KLF1: variants seen among roughly 807,000 people sequenced by gnomAD.
The protein encoded by KLF1 is Krueppel-like factor 1.
KLF1 carries 29 observed loss-of-function variants against 28.0 expected under a neutral mutation model. That is an observed-to-expected ratio of 1.04 (90% CI 0.77 to 1.41). The LOEUF (loss-of-function observed/expected upper bound fraction) is 1.41. KLF1 is among the 40% of genes most tolerant of loss of function. KLF1 has a pLI of 0.00. For synonymous variants in KLF1, 262 were observed against 242.6 expected, an observed-to-expected ratio of 1.08 and a Z score of -0.74; for missense variants, 508 against 515.1, an observed-to-expected ratio of 0.99 and a Z score of 0.13.
rs1190562040 is a variant in KLF1 at position 12,885,930 on chromosome 19, C to T, written c.300G>A (p.Glu100=). The change falls in exon 2 of 3, where the codon GAG becomes GAA. Residue 100 remains glutamate (E), a synonymous_variant. Coordinates refer to ENST00000264834, the MANE Select transcript of KLF1 (RefSeq NM_006563.5). This position sits in a 1 kb window ranked among gnomAD's most constrained non-coding sequence, Gnocchi z 5.6. ...GCGGCGGATATTGCGCCCCGGAGGC[C>T]TCGCTGGGCGCCAGAGCGCAGGTCT... ...APQTCALAPS[E]ASGAQYPPPP... 6.4e-7 allele frequency: 1 copy of T among 1,555,212 alleles called. No homozygotes were observed. Among genetic ancestry groups the T allele is most frequent in the South Asian group, 1.2e-5 (1 of 84,748 alleles).
Position 12,885,968 on chromosome 19 carries a change from C to A in KLF1, c.262G>T (p.Gly88Cys), listed in dbSNP as rs1353921647. 1 of 1,580,088 alleles carries A rather than the reference C, an allele frequency of 6.3e-7. No homozygotes were observed. ...LLTNFSGPEP[G>C]GAPQTCALAP... ...AGAGCGCAGGTCTGGGGCGCGCCACCGGGCTCCGGGCCCGAGAAGTTGGTG... is the reference window on the plus strand; with the variant it reads ...AGAGCGCAGGTCTGGGGCGCGCCACAGGGCTCCGGGCCCGAGAAGTTGGTG... Residue 88 changes from glycine (G) to cysteine (C), a missense_variant, in exon 2 of 3, where the codon GGT (glycine) becomes TGT (cysteine). Physicochemically the swap from Gly to Cys is radical, Grantham distance 159. Transcript: ENST00000264834. This position sits in a 1 kb window ranked among gnomAD's most constrained non-coding sequence, Gnocchi z 5.6.
At chr19:12,886,650 T>C (rs1195116629) in intron 1 of KLF1, among the ~76,000 whole-genome samples, 1 of 151,424 alleles carries the variant, frequency 6.6e-6, no homozygotes, top group Non-Finnish European at 1.5e-5. Context: ...CTTACTCTTT[T>C]GCCCAGGCTG....
At position 12,885,607 on chromosome 19, in the gene KLF1, G is replaced by C; in HGVS notation, c.623C>G (p.Pro208Arg). Reference protein sequence around the residue: ...GLLSGYPAMYPAPQYQGHFQL... With the variant: ...GLLSGYPAMYRAPQYQGHFQL... ...GAAGTGCCCTTGGTACTGAGGCGCC[G>C]GGTACATCGCGGGGTACCCGGACAG... The change falls in exon 2 of 3, where the codon CCG (proline) becomes CGG (arginine). Residue 208 changes from proline (P) to arginine (R), a missense_variant. Pro to Arg is a moderately radical substitution (Grantham distance 103). Coordinates refer to ENST00000264834, the MANE Select transcript of KLF1 (RefSeq NM_006563.5). This position sits in a 1 kb window ranked among gnomAD's most constrained non-coding sequence, Gnocchi z 5.6. 6.4e-7 allele frequency: 1 copy of C among 1,554,060 alleles called. No individual in the cohort carries two copies. The highest frequency in any genetic ancestry group is 1.7e-4 in the Middle Eastern group (1 of 5,728).
chr19:12,885,282 C>T lies in KLF1; in HGVS notation c.913+35G>A, dbSNP rs115339342. On this transcript the variant is annotated intron_variant, in intron 2 of 2. Coordinates refer to ENST00000264834, the MANE Select transcript of KLF1 (RefSeq NM_006563.5). The surrounding 1 kb of genome is among the most constrained non-coding windows in gnomAD (Gnocchi z 5.6). ...TCCCCTGTAACTACAGCGGGCGCCG[C>T]GCCCTTTCTCATGTCCGGGGCCCCG... 1,175 of 1,531,484 alleles carry T rather than the reference C, an allele frequency of 7.7e-4. 7 individuals are homozygous for T. In the African/African-American group the frequency reaches 0.014, roughly 19 times the overall value. The allele number at this position is 1,531,484 out of a possible 1,614,324, so 94.9% of individuals were successfully genotyped here.
chr19:12,885,827 A>G lies in KLF1; in HGVS notation c.403T>C (p.Trp135Arg). The change falls in exon 2 of 3, where the codon TGG becomes CGG. Residue 135 changes from tryptophan (W) to arginine (R), a missense_variant. Coordinates refer to ENST00000264834, the MANE Select transcript of KLF1 (RefSeq NM_006563.5). This position sits in a 1 kb window ranked among gnomAD's most constrained non-coding sequence, Gnocchi z 5.6. ...CGGGCTCGCAGGGCAGGGCGCACCCAACCCGAGTGATCCTCCGAACCCAAA... is the reference window on the plus strand; with the variant it reads ...CGGGCTCGCAGGGCAGGGCGCACCCGACCCGAGTGATCCTCCGAACCCAAA... ...GLLGSEDHSG[W>R]VRPALRARAP... 6.5e-7 allele frequency: 1 copy of G among 1,549,980 alleles called. No individual in the cohort carries two copies. Among genetic ancestry groups the G allele is most frequent in the Non-Finnish European group, 8.7e-7 (1 of 1,147,116 alleles).
intron 1 of KLF1, among the ~76,000 whole-genome samples, 197 bp from the exon 2 acceptor site, chr19:12,886,339 A>G (rs965195126): frequency 2.0e-5 from 3 of 151,886 alleles, no homozygotes; most frequent in African/African-American, 7.3e-5. Context: ...ACAGAAACCG[A>G]TCAGGTCTGG....
At chr19:12,886,257 G>GTC in intron 1 of KLF1, 115 bp from the exon 2 acceptor site, 1 of 725,836 alleles carries the variant, frequency 1.4e-6, no homozygotes, top group Admixed American at 2.7e-5. Flanking sequence ...TTGTTTGCCT[G>GTC]TCTGTCTGTC....
Position 12,884,628 on chromosome 19 carries a change from C to T in KLF1, c.*257G>A. On this transcript the variant is annotated 3_prime_UTR_variant, in exon 3 of 3. Transcript: ENST00000264834. Reference sequence around the variant, plus strand: ...TTGGCGGTCTGTCTCACTGGGTTTGCACGACAGTTTGGACATCTCTGTGTG... The same window carrying T: ...TTGGCGGTCTGTCTCACTGGGTTTGTACGACAGTTTGGACATCTCTGTGTG... The T allele has an allele frequency of 1.8e-6, 1 of 547,010 alleles. No individual in the cohort carries two copies. Among genetic ancestry groups the T allele is most frequent in the Non-Finnish European group, 3.3e-6 (1 of 303,424 alleles). 33.9% of individuals were successfully genotyped at this position (547,010 alleles called of 1,614,324 possible).
chr19:12,885,039 G>C lies in KLF1; in HGVS notation c.935C>G (p.Thr312Arg), dbSNP rs776048848. Residue 312 changes from threonine to arginine, a missense_variant, in exon 3 of 3, where the codon ACG becomes AGG. Physicochemically the swap from Thr to Arg is moderately conservative, Grantham distance 71. Coordinates refer to ENST00000264834, the MANE Select transcript of KLF1 (RefSeq NM_006563.5). The surrounding 1 kb of genome is among the most constrained non-coding windows in gnomAD (Gnocchi z 5.6). ...GAATCTCCAGCCGCAGCCTTCCCAC[G>C]TGCAGGCGTATGGCTTCTCCCCTAG... ...THTGEKPYAC[T>R]WEGCGWRFAR... 1.9e-6 allele frequency: 3 copies of C among 1,606,768 alleles called. No homozygotes were observed. In the African/African-American group the frequency reaches 4.0e-5, roughly 21 times the overall value.
rs1055033901 is a variant in KLF1 at position 12,884,828 on chromosome 19, A to G, written c.*57T>C. 1.9e-6 allele frequency: 3 copies of G among 1,592,314 alleles called. No homozygotes were observed. The African/African-American group carries it at 4.0e-5, about 21-fold the overall frequency. ...GCGCGTCCGTGTGAAGAGACCACCA[A>G]ACAGGCTTCTTGTCCCATCCCCAGT... is the stretch of plus-strand genomic sequence containing the variant. On this transcript the variant is annotated 3_prime_UTR_variant, in exon 3 of 3. Coordinates refer to ENST00000264834, the MANE Select transcript of KLF1 (RefSeq NM_006563.5).
rs1970418763 is a variant in KLF1, at chr19:12,884,937, C to A, written c.1037G>T (p.Arg346Leu). The A allele has an allele frequency of 6.2e-7, 1 of 1,613,960 alleles. No individual in the cohort carries two copies. Among genetic ancestry groups the A allele is most frequent in the African/African-American group, 1.3e-5 (1 of 75,060 alleles). Residue 346 changes from arginine (R) to leucine (L), a missense_variant, in exon 3 of 3, where the codon CGT becomes CTT. Physicochemically the swap from Arg to Leu is moderately radical, Grantham distance 102 (BLOSUM62 -2). Coordinates refer to ENST00000264834, the MANE Select transcript of KLF1 (RefSeq NM_006563.5). ...CAGGTGGTCAGAGCGCGAAAAAGCACGTGGGCAGAGCTGGCAGCGGAAGGG... is the reference window on the plus strand; with the variant it reads ...CAGGTGGTCAGAGCGCGAAAAAGCAAGTGGGCAGAGCTGGCAGCGGAAGGG... ...QRPFRCQLCP[R>L]AFSRSDHLAL...
rs367564936 is a variant in KLF1 at position 12,885,348 on chromosome 19, G to T, written c.882C>A (p.Ser294=). The change falls in exon 2 of 3, where the codon TCC becomes TCA. Residue 294 remains serine (S), a synonymous_variant. Coordinates refer to ENST00000264834, the MANE Select transcript of KLF1 (RefSeq NM_006563.5). The surrounding 1 kb of genome is among the most constrained non-coding windows in gnomAD (Gnocchi z 5.6). ...GCGTGCGCAGATGCGCCTTCAGGTG[G>T]GAGCTCTTGGTGTAGCTCTTGCCGC... ...PGCGKSYTKS[S]HLKAHLRTHT... The T allele has an allele frequency of 1.2e-6, 2 of 1,600,374 alleles. No individual in the cohort carries two copies. Among genetic ancestry groups the T allele is most frequent in the African/African-American group, 1.3e-5 (1 of 74,806 alleles).
chr19:12,885,478 G>T lies in KLF1; in HGVS notation c.752C>A (p.Thr251Asn), dbSNP rs892379622. The change falls in exon 2 of 3, where the codon ACT becomes AAT. Residue 251 changes from threonine (T) to asparagine (N), a missense_variant. Thr to Asn is a moderately conservative substitution (Grantham distance 65). Transcript: ENST00000264834. This position sits in a 1 kb window ranked among gnomAD's most constrained non-coding sequence, Gnocchi z 5.6. ...PGTVGTGLGG[T>N]AEDPGVIAET... ...GGCTATCACACCTGGATCCTCTGCAGTCCCCCCGAGTCCAGTGCCCACCGT... is the reference window on the plus strand; with the variant it reads ...GGCTATCACACCTGGATCCTCTGCATTCCCCCCGAGTCCAGTGCCCACCGT... 1.2e-6 allele frequency: 2 copies of T among 1,602,038 alleles called. No homozygotes were observed. The highest frequency in any genetic ancestry group is 2.3e-5 in the East Asian group (1 of 44,242).
Position 12,887,102 on chromosome 19 carries a change from T to A in KLF1, c.39A>T (p.Thr13=). 1 of 1,613,930 alleles carries A rather than the reference T, an allele frequency of 6.2e-7. No homozygotes were observed. Among genetic ancestry groups the A allele is most frequent in the Admixed American group, 1.7e-5 (1 of 60,006 alleles). ...CCGGGAAGGGGCCCAGGGCGGTCAG[T>A]GTGCTGATGGAGGGCAAGGCGGTCT... ...TAETALPSIS[T]LTALGPFPDT... The change falls in exon 1 of 3, where the codon ACA becomes ACT. Residue 13 remains threonine (T), a synonymous_variant. Coordinates refer to ENST00000264834, the MANE Select transcript of KLF1 (RefSeq NM_006563.5). This position sits in a 1 kb window ranked among gnomAD's most constrained non-coding sequence, Gnocchi z 4.7.
rs1326662123 is a variant in KLF1 at position 12,885,777 on chromosome 19, T to C, written c.453A>G (p.Pro151=). ...CGGGGGCCGGGGCTGGAGCCAGGGC[T>C]GGGCCCACGAAGGCGTCGGGAGCCC... ...RARAPDAFVG[P]ALAPAPAPEP... is the part of the protein sequence containing the mutation. The change falls in exon 2 of 3, where the codon CCA becomes CCG. Residue 151 remains proline (P), a synonymous_variant. Transcript: ENST00000264834. This position sits in a 1 kb window ranked among gnomAD's most constrained non-coding sequence, Gnocchi z 5.6. 2 of 1,539,788 alleles carry C rather than the reference T, an allele frequency of 1.3e-6. No homozygotes were observed. Among genetic ancestry groups the C allele is most frequent in the Admixed American group, 4.0e-5 (2 of 50,404 alleles).
At position 12,884,996 on chromosome 19, in the gene KLF1, C is replaced by T. The variant is rs200637478; in HGVS notation, c.978G>A (p.Leu326=). The T allele has an allele frequency of 1.7e-5, 28 of 1,609,808 alleles. No homozygotes were observed. In the East Asian group the frequency reaches 5.6e-4, roughly 32 times the overall value. Residue 326 remains leucine, a synonymous_variant, in exon 3 of 3, where the codon CTG becomes CTA. Transcript: ENST00000264834. The stretch of plus-strand genomic sequence containing the variant: ...CCGTGTGTTTCCGGTAGTGGCGGGT[C>T]AGCTCGTCCGAGCGCGCGAATCTCC... ...CGWRFARSDE[L]TRHYRKHTGQ... is the part of the protein sequence containing the mutation.
Position 12,884,500 on chromosome 19 carries a change from C to G in KLF1, c.*385G>C, listed in dbSNP as rs1381599706. 8.1e-6 allele frequency: 2 copies of G among 247,128 alleles called. No homozygotes were observed. The highest frequency in any genetic ancestry group is 2.0e-4 in the East Asian group (2 of 9,770). 15.3% of individuals were successfully genotyped at this position (247,128 alleles called of 1,614,324 possible). A position where few individuals can be genotyped will look rare whatever the true frequency, so the allele number is the denominator to read the frequency against. On this transcript the variant is annotated 3_prime_UTR_variant, in exon 3 of 3. Transcript: ENST00000264834. ...AGCCACAATAAGGGACCTTCAGGAG[C>G]CGCTTTCTAGACCCAGGGTCTCTGG...
At chr19:12,886,829 C>A (rs1176216588) in intron 1 of KLF1, among the ~76,000 whole-genome samples, 2 of 152,084 alleles carry the variant, frequency 1.3e-5, no homozygotes, top group Admixed American at 6.6e-5. Context: ...AGGCTACCTT[C>A]GTTTTCTATT....
At chr19:12,886,728 A>G (rs1599602415) in intron 1 of KLF1, among the ~76,000 whole-genome samples, 2 of 150,744 alleles carry the variant, frequency 1.3e-5, no homozygotes, top group Admixed American at 6.7e-5. Context: ...GCATCAGCCT[A>G]CGGAGTACCT....
Sources: allele counts gnomAD v4.1 joint callset (sites outside exome capture counted in the v4.1 genomes callset), GRCh38; gene constraint gnomAD v4.1.1; non-coding constraint Gnocchi (gnomAD v3.1); transcripts MANE v1.5; gene names NCBI Gene and HGNC (gene_info 2026-07-23, HGNC 2026-07-21).